CACNA1C: variants seen among roughly 807,000 people sequenced by gnomAD.
CACNA1C encodes voltage-dependent L-type calcium channel subunit alpha-1C.
In CACNA1C, 30 loss-of-function variants were observed where a neutral mutation model predicts 229.0. The observed-to-expected ratio is 0.13, with a 90% CI of 0.10 to 0.18. The LOEUF (loss-of-function observed/expected upper bound fraction) is 0.18. CACNA1C is among the 10% of genes least tolerant of loss of function. CACNA1C has a pLI of 1.00. For missense variants in CACNA1C, 1,658 were observed against 2,845.0 expected (o/e 0.58, Z 9.49); for synonymous variants, 1,114 against 1,132.5 (o/e 0.98, Z 0.33).
At chr12:2,583,299 G>A (rs2061269918) in intron 15 of CACNA1C, among the ~76,000 whole-genome samples, 1 of 152,248 alleles carries the variant, frequency 6.6e-6, no homozygotes, top group Non-Finnish European at 1.5e-5. Flanking sequence ...CTGCTCAGAG[G>A]CGGGACGCTC....
chr12:2,376,015 A>G (rs2098048338), intron 3 of CACNA1C, among the ~76,000 whole-genome samples: 2 of 152,242 alleles, frequency 1.3e-5, no homozygotes, highest in Non-Finnish European at 2.9e-5. Flanking sequence ...AAAACAGGGG[A>G]AGAGGACAAG....
At chr12:2,273,552 A>G (rs1045061040) in intron 3 of CACNA1C, among the ~76,000 whole-genome samples, 5 of 152,140 alleles carry the variant, frequency 3.3e-5, no homozygotes, top group African/African-American at 9.7e-5. Flanking sequence ...AGAACCATGG[A>G]GACATGCTGC....
At chr12:2,489,032 G>A (rs2099707684) in intron 6 of CACNA1C, among the ~76,000 whole-genome samples, 1 of 152,172 alleles carries the variant, frequency 6.6e-6, no homozygotes, top group Non-Finnish European at 1.5e-5. Context: ...AATACTTGCA[G>A]GCTTTGAAAC....
chr12:2,244,117 C>A (rs987082358), intron 3 of CACNA1C, among the ~76,000 whole-genome samples: 3 of 152,238 alleles, frequency 2.0e-5, no homozygotes, highest in African/African-American at 7.2e-5. Flanking sequence ...TGGGGCCATC[C>A]CCTGCTGCTC....
intron 3 of CACNA1C, among the ~76,000 whole-genome samples, chr12:2,156,418 T>TA (rs2095557462): frequency 6.6e-6 from 1 of 152,232 alleles, no homozygotes; most frequent in South Asian, 2.1e-4. Flanking sequence ...AAGGAATCGT[T>TA]AAAAAATGCA....
At chr12:2,153,503 C>T (rs1022914640) in intron 3 of CACNA1C, among the ~76,000 whole-genome samples, 8 of 152,174 alleles carry the variant, frequency 5.3e-5, no homozygotes, top group Non-Finnish European at 1.2e-4. Context: ...CTGGCACCCA[C>T]CATTCTACTT....
In CACNA1C at chr12:2,167,263, G is replaced by T. The variant is rs116646051; in HGVS notation, c.477+46833G>T. ...GAGGAGTTGATTCCTAAGATTAGATGAGTGAGAGTTATCTAGTGAGGGGAA... is the reference window on the plus strand; with the variant it reads ...GAGGAGTTGATTCCTAAGATTAGATTAGTGAGAGTTATCTAGTGAGGGGAA... On this transcript the variant is annotated intron_variant, in intron 3 of 46. Transcript: ENST00000399655. 6.2e-3 allele frequency among the ~76,000 whole-genome samples: 946 copies of T among 152,296 alleles called. 16 individuals carry two copies. The highest frequency in any genetic ancestry group is 0.022 in the African/African-American group (911 of 41,552).
intron 3 of CACNA1C, among the ~76,000 whole-genome samples, chr12:2,166,210 T>A: frequency 1.3e-5 from 2 of 152,354 alleles, no homozygotes; most frequent in Non-Finnish European, 2.9e-5. Flanking sequence ...TGTGCCATGT[T>A]TACCCATATT....
chr12:2,174,380 A>AT (rs1435295784), intron 3 of CACNA1C, among the ~76,000 whole-genome samples: 7 of 152,120 alleles, frequency 4.6e-5, no homozygotes, highest in Non-Finnish European at 7.4e-5. Flanking sequence ...GGTACTTTGA[A>AT]TTTTTTTAAC....
At chr12:2,125,058 A>G (rs377402523) in intron 3 of CACNA1C, among the ~76,000 whole-genome samples, 3 of 152,084 alleles carry the variant, frequency 2.0e-5, no homozygotes, top group Non-Finnish European at 2.9e-5. Context: ...CAGACCCTGG[A>G]GAACAGTGAC....
chr12:2,218,015 G>A (rs944951402), intron 3 of CACNA1C: 2 of 152,094 alleles, frequency 1.3e-5, no homozygotes, highest in Non-Finnish European at 2.9e-5. Flanking sequence ...AGAGAGCTTC[G>A]GAGAAGCCCT....
In CACNA1C at chr12:2,493,093, C is replaced by T. The variant is rs1597978978; in HGVS notation, c.917-97C>T. On this transcript the variant is annotated intron_variant, in intron 6 of 46. Coordinates refer to ENST00000399655, the MANE Select transcript of CACNA1C (RefSeq NM_000719.7). This position sits in a 1 kb window ranked among gnomAD's most constrained non-coding sequence, Gnocchi z 4.6. ...GCCATGGTTGCTTTGCCCATCCCAT[C>T]AACCTCATCCTGTCACTTTTCTCTC... The T allele has an allele frequency of 4.9e-6, 5 of 1,025,448 alleles. No individual in the cohort carries two copies. In the East Asian group the frequency reaches 1.0e-4, roughly 21 times the overall value. 63.5% of individuals were successfully genotyped at this position (1,025,448 alleles called of 1,614,324 possible).
intron 3 of CACNA1C, among the ~76,000 whole-genome samples, chr12:2,256,031 G>A (rs4397911): frequency 9.5e-4 from 121 of 127,334 alleles, no homozygotes; most frequent in South Asian, 1.6e-3. Context: ...ACAATCACAC[G>A]ATCCTGACCT....
chr12:2,465,261 A>G (rs1294088751), intron 5 of CACNA1C, among the ~76,000 whole-genome samples: 1 of 152,248 alleles, frequency 6.6e-6, no homozygotes, highest in East Asian at 1.9e-4. Context: ...GGAATATTCA[A>G]GAGTTAAATA....
Position 2,656,749 on chromosome 12 carries a change from C to T in CACNA1C, c.4232+1511C>T, listed in dbSNP as rs531813745. On this transcript the variant is annotated intron_variant, in intron 34 of 46. Coordinates refer to ENST00000399655, the MANE Select transcript of CACNA1C (RefSeq NM_000719.7). ...AAAACGGACACATAGAGCAATGGCT[C>T]AGGAGAGAAACCTGAGAAATAAACC... is the stretch of plus-strand genomic sequence containing the variant. Among the ~76,000 whole-genome samples, 28 of 152,228 alleles carry T rather than the reference C, an allele frequency of 1.8e-4. No homozygotes were observed. The South Asian group carries it at 2.1e-3, about 11-fold the overall frequency.
At chr12:2,593,169 T>C in intron 18 of CACNA1C, 44 bp from the exon 19 acceptor site, 1 of 1,591,478 alleles carries the variant, frequency 6.3e-7, no homozygotes, top group Non-Finnish European at 8.6e-7. Context: ...GTAAAATAAG[T>C]GGGAGTGCTG....
At chr12:2,232,244 T>G (rs1253870665) in intron 3 of CACNA1C, among the ~76,000 whole-genome samples, 4 of 146,734 alleles carry the variant, frequency 2.7e-5, no homozygotes, top group East Asian at 2.0e-4. Flanking sequence ...TTTTTTTTTT[T>G]TTTTTTTTGT....
chr12:2,005,985 A>T (rs1309832416), intron 1 of CACNA1C, among the ~76,000 whole-genome samples: 1 of 152,268 alleles, frequency 6.6e-6, no homozygotes, highest in East Asian at 1.9e-4. Context: ...ATGAGGCCAG[A>T]GTTTCTTCAT....
At chr12:2,450,529 G>A (rs1160278328) in intron 4 of CACNA1C, among the ~76,000 whole-genome samples, 3 of 133,142 alleles carry the variant, frequency 2.3e-5, no homozygotes, top group African/African-American at 9.6e-5. Context: ...ACTCCAGCCT[G>A]GGCAACAGAG....
Sources: allele counts gnomAD v4.1 joint callset (sites outside exome capture counted in the v4.1 genomes callset), GRCh38; gene constraint gnomAD v4.1.1; non-coding constraint Gnocchi (gnomAD v3.1); transcripts MANE v1.5; gene names NCBI Gene and HGNC (gene_info 2026-07-23, HGNC 2026-07-21).